Variants in HEATR4 observed in about 807,000 individuals in gnomAD.
HEATR4 encodes HEAT repeat containing 4.
HEATR4 carries 95 observed loss-of-function variants against 108.8 expected under a neutral mutation model. That is an observed-to-expected ratio of 0.87 (90% confidence interval 0.74 to 1.04). HEATR4 has a LOEUF of 1.04. HEATR4 is among the 50% of genes least tolerant of loss of function. The pLI is 0.00. For synonymous variants in HEATR4, 443 were observed against 459.4 expected (o/e 0.96, Z 0.46); for missense variants, 1,152 against 1,253.8 (o/e 0.92, Z 1.23).
At chr14:73,609,294 G>A in the HEATR4 span, among the ~76,000 whole-genome samples, 1 of 152,154 alleles carries the variant, frequency 6.6e-6, no homozygotes, top group Non-Finnish European at 1.5e-5. Flanking sequence ...TGATCTGGGA[G>A]TGAGCCAAAC....
chr14:73,518,995 C>T, intron 5 of HEATR4, 28 bp downstream of exon 5: 1 of 1,599,514 alleles, frequency 6.3e-7, no homozygotes, highest in African/African-American at 1.3e-5. Flanking sequence ...TTATTAACCC[C>T]TGCCTTCCCT....
chr14:73,515,417 T>G (rs1413081447), intron 5 of HEATR4, among the ~76,000 whole-genome samples: 1 of 151,878 alleles, frequency 6.6e-6, no homozygotes, highest in East Asian at 1.9e-4. Context: ...CAGTGGCTCA[T>G]GCCTGTAATC....
At chr14:73,525,102 T>A (rs1306372935) in intron 2 of HEATR4, among the ~76,000 whole-genome samples, 1 of 152,174 alleles carries the variant, frequency 6.6e-6, no homozygotes, top group Non-Finnish European at 1.5e-5. Flanking sequence ...CGATCATAGC[T>A]CACTGCAGCC....
At chr14:73,497,680 G>A (rs1886186237) in intron 14 of HEATR4, among the ~76,000 whole-genome samples, 1 of 152,082 alleles carries the variant, frequency 6.6e-6, no homozygotes, top group African/African-American at 2.4e-5. Context: ...AGGCTGGAGT[G>A]CAATGGCACC....
intron 17 of HEATR4, among the ~76,000 whole-genome samples, chr14:73,479,156 C>T (rs1245311608): frequency 1.3e-5 from 2 of 151,504 alleles, no homozygotes; most frequent in Non-Finnish European, 2.9e-5. Flanking sequence ...CACACTCTCT[C>T]CCAGGCTGGA....
At chr14:73,513,232 G>T (rs762326921) in intron 6 of HEATR4, among the ~76,000 whole-genome samples, 2 of 152,212 alleles carry the variant, frequency 1.3e-5, no homozygotes, top group Non-Finnish European at 2.9e-5. Flanking sequence ...GCCAAGGCGG[G>T]GAGATCACCT....
At chr14:73,620,072 C>A in the HEATR4 span, among the ~76,000 whole-genome samples, 218 of 152,176 alleles carry the variant, frequency 1.4e-3, 2 homozygotes, top group Middle Eastern at 3.4e-3. Flanking sequence ...CCACGGCACC[C>A]AGCTAATTTT....
chr14:73,490,338 G>A (rs138991704), intron 17 of HEATR4, among the ~76,000 whole-genome samples: 3,055 of 145,004 alleles, frequency 0.021, 114 homozygotes, highest in African/African-American at 0.073. Context: ...TTTTTGAGGC[G>A]GAGTCTCGCT....
the HEATR4 span, among the ~76,000 whole-genome samples, chr14:73,626,515 A>G: frequency 1.3e-5 from 2 of 152,168 alleles, no homozygotes; most frequent in African/African-American, 4.8e-5. Flanking sequence ...TTAAGGAAAG[A>G]AGCCATCTCC....
chr14:73,501,269 C>T (rs960340557), intron 11 of HEATR4, among the ~76,000 whole-genome samples: 3 of 152,044 alleles, frequency 2.0e-5, no homozygotes, highest in African/African-American at 7.2e-5. Flanking sequence ...TAGGCGCCCA[C>T]CACCACGCCT....
In HEATR4 at chr14:73,493,019, T is replaced by C. The variant is rs367892289; in HGVS notation, c.2844+47A>G. ...GCTACCTTTTTTTTTTTTTTTTCCT[T>C]AAACTCACGTTCTTACCTTGATAAG... On this transcript the variant is annotated intron_variant, in intron 17 of 17. Transcript: ENST00000553558. 20 of 1,407,354 alleles carry C rather than the reference T, an allele frequency of 1.4e-5. No homozygotes were observed. The African/African-American group carries it at 2.7e-4, about 19-fold the overall frequency. 87.2% of individuals were successfully genotyped at this position (1,407,354 alleles called of 1,614,324 possible).
At chr14:73,509,161 C>G in intron 8 of HEATR4, 151 bp downstream of exon 8, 1 of 756,412 alleles carries the variant, frequency 1.3e-6, no homozygotes, top group Non-Finnish European at 2.2e-6. Flanking sequence ...GCGACAGTGT[C>G]TGGTCCTAAT....
chr14:73,598,217 C>CAAAAAA, the HEATR4 span, among the ~76,000 whole-genome samples: 11 of 54,916 alleles, frequency 2.0e-4, no homozygotes, highest in East Asian at 5.6e-4. Flanking sequence ...ACTAAAAATA[C>CAAAAAA]AAAAAAAAAA....
the HEATR4 span, among the ~76,000 whole-genome samples, chr14:73,576,884 A>AAG: frequency 7.2e-6 from 1 of 138,352 alleles, no homozygotes; most frequent in Non-Finnish European, 1.6e-5. Flanking sequence ...TTTAAACCTT[A>AAG]GTTGTATTTA....
chr14:73,522,045 C>T (rs1009011386), intron 3 of HEATR4, among the ~76,000 whole-genome samples: 2 of 152,206 alleles, frequency 1.3e-5, no homozygotes, highest in Non-Finnish European at 2.9e-5. Context: ...GCTTGCATCC[C>T]ATAATGAACA....
chr14:73,512,085 GTCA>G lies in HEATR4; in HGVS notation c.1476_1478del (p.Asp493del), dbSNP rs764423007. 4 of 1,614,146 alleles carry G rather than the reference GTCA, an allele frequency of 2.5e-6. No individual in the cohort carries two copies. In the Admixed American group the frequency reaches 6.7e-5, roughly 27 times the overall value. On this transcript the variant is annotated inframe_deletion, in exon 7 of 18. Coordinates refer to ENST00000553558, the MANE Select transcript of HEATR4 (RefSeq NM_001220484.1). ...ATGTGGTGATAGCTTTGATCCGAAC[GTCA>G]TCATGCAGGTCTCCCAAGCTCTGAA...
chr14:73,483,079 G>C (rs531938167), intron 17 of HEATR4, among the ~76,000 whole-genome samples: 166 of 152,332 alleles, frequency 1.1e-3, no homozygotes, highest in African/African-American at 3.9e-3. Flanking sequence ...CTTCAGTGAA[G>C]GGAGTAGGAA....
At chr14:73,559,308 G>A (rs1004188701), upstream of HEATR4, among the ~76,000 whole-genome samples, 3 of 151,534 alleles carry the variant, frequency 2.0e-5, no homozygotes, top group African/African-American at 7.3e-5. Context: ...TAGTAGAGAT[G>A]GGGTTTCACC....
the HEATR4 span, chr14:73,591,650 C>T: frequency 3.1e-6 from 1 of 325,512 alleles, no homozygotes; most frequent in Non-Finnish European, 5.6e-6. Context: ...CATCCAACAA[C>T]TTTCATTCCA....
Sources: allele counts gnomAD v4.1 joint callset (sites outside exome capture counted in the v4.1 genomes callset), GRCh38; gene constraint gnomAD v4.1.1; transcripts MANE v1.5; gene names NCBI Gene and HGNC (gene_info 2026-07-23, HGNC 2026-07-21).